Variants in RFX2 observed in about 807,000 individuals in gnomAD.
RFX2 encodes regulatory factor X2, also known as DNA-binding protein RFX2.
A neutral mutation model predicts 87.8 loss-of-function variants in RFX2; 20 were observed. The ratio of observed to expected loss-of-function variants is 0.23; its 90% CI spans 0.16 to 0.33. The LOEUF (loss-of-function observed/expected upper bound fraction) is 0.33, where lower values mean the gene tolerates loss of function less well. Ranked by LOEUF, RFX2 falls within the 10% of genes least tolerant of loss-of-function variation. The pLI is 1.00. For synonymous variants in RFX2, 397 were observed against 431.3 expected, an observed-to-expected ratio of 0.92 and a Z score of 0.98; for missense variants, 767 against 1,012.3, an observed-to-expected ratio of 0.76 and a Z score of 3.29.
At chr19:6,034,132 C>A (rs1297398457) in intron 5 of RFX2, among the ~76,000 whole-genome samples, 2 of 152,124 alleles carry the variant, frequency 1.3e-5, no homozygotes. Context: ...TGCAGTGGCA[C>A]CATCACGGCT....
At chr19:6,029,704 T>C (rs866330436) in intron 5 of RFX2, among the ~76,000 whole-genome samples, 3 of 152,176 alleles carry the variant, frequency 2.0e-5, no homozygotes, top group South Asian at 2.1e-4. Flanking sequence ...TGAGATTCCA[T>C]ATCAAAACAA....
chr19:6,002,636 G>A lies in RFX2; in HGVS notation c.1650+85C>T, dbSNP rs1416573535. 1 of 1,540,088 alleles carries A rather than the reference G, an allele frequency of 6.5e-7. No individual in the cohort carries two copies. Among genetic ancestry groups the A allele is most frequent in the Admixed American group, 1.7e-5 (1 of 58,110 alleles). ...CCAGGCTCGGGGCAGGGGCCAGGTT[G>A]TGCCACGGGCTCCACTTGGTGGGTT... On this transcript the variant is annotated intron_variant, in intron 14 of 17. Transcript: ENST00000303657. The surrounding 1 kb of genome is among the most constrained non-coding windows in gnomAD (Gnocchi z 6.7).
At position 6,101,268 on chromosome 19, in the gene RFX2, G is replaced by A. The variant is rs2088122899; in HGVS notation, c.-9+9125C>T. Among the ~76,000 whole-genome samples the A allele has an allele frequency of 6.6e-6, 1 of 152,170 alleles. No individual in the cohort carries two copies. The highest frequency in any genetic ancestry group is 6.5e-5 in the Admixed American group (1 of 15,280). On this transcript the variant is annotated intron_variant, in intron 1 of 17. Coordinates refer to ENST00000303657, the MANE Select transcript of RFX2 (RefSeq NM_000635.4). The surrounding 1 kb of genome is among the most constrained non-coding windows in gnomAD (Gnocchi z 4.9). ...AAACGAATAATTCCTTTTAAAATCA[G>A]AAGCACATCTTTTAGTCTGTTTTCA...
intron 1 of RFX2, among the ~76,000 whole-genome samples, chr19:6,069,988 G>A (rs899633944): frequency 2.1e-5 from 3 of 146,316 alleles, no homozygotes; most frequent in South Asian, 4.4e-4. Flanking sequence ...TTCTTTCATG[G>A]ATGGGATGGG....
intron 5 of RFX2, among the ~76,000 whole-genome samples, chr19:6,029,413 A>G (rs1180934763): frequency 6.6e-6 from 1 of 152,076 alleles, no homozygotes; most frequent in Non-Finnish European, 1.5e-5. Flanking sequence ...AAGCACTATA[A>G]AAAACCATGA....
At chr19:6,082,495 C>T (rs377609815) in intron 1 of RFX2, among the ~76,000 whole-genome samples, 16 of 152,112 alleles carry the variant, frequency 1.1e-4, no homozygotes, top group African/African-American at 2.4e-4. Flanking sequence ...TGCAGTGGCG[C>T]GATCACAGCT....
chr19:6,031,423 C>CTTTTTTTTTTTTTTTT (rs58834364), intron 5 of RFX2, among the ~76,000 whole-genome samples: 2 of 90,184 alleles, frequency 2.2e-5, no homozygotes, highest in African/African-American at 4.2e-5. Flanking sequence ...TTCTCCTTCC[C>CTTTTTTTTTTTTTTTT]TTTTTTTTTT....
intron 5 of RFX2, among the ~76,000 whole-genome samples, chr19:6,030,448 C>A (rs1599867102): frequency 6.6e-6 from 1 of 152,254 alleles, no homozygotes; most frequent in Non-Finnish European, 1.5e-5. Context: ...TTTAGCCACA[C>A]ACAAAAAAAT....
In RFX2 at chr19:6,024,832, GGTGAGGACGGGA is replaced by G. The variant is rs1307460164; in HGVS notation, c.597+1319_597+1330del. Among the ~76,000 whole-genome samples the G allele has an allele frequency of 8.3e-6, 1 of 120,186 alleles. No homozygotes were observed. Among genetic ancestry groups the G allele is most frequent in the South Asian group, 3.4e-4 (1 of 2,978 alleles). The allele number at this position is 120,186 out of a possible 152,430, so 78.8% of individuals were successfully genotyped here. Reference sequence around the variant, plus strand: ...AGGACGGGAGTGAGGACGGGATCACGGTGAGGACGGGAGTGAGGACGGGATCACGGTGAGGAC... The same window carrying G: ...AGGACGGGAGTGAGGACGGGATCACGGTGAGGACGGGATCACGGTGAGGAC... On this transcript the variant is annotated intron_variant, in intron 6 of 17. Coordinates refer to ENST00000303657, the MANE Select transcript of RFX2 (RefSeq NM_000635.4). The surrounding 1 kb of genome is among the most constrained non-coding windows in gnomAD (Gnocchi z 5.0).
At chr19:6,081,781 C>T (rs557708702) in intron 1 of RFX2, among the ~76,000 whole-genome samples, 4 of 152,160 alleles carry the variant, frequency 2.6e-5, no homozygotes, top group African/African-American at 7.2e-5. Context: ...GGTGAAACAC[C>T]GTCTCTACTA....
At chr19:6,042,205 T>C (rs989185064) in intron 3 of RFX2, 82 bp from the exon 4 acceptor site, 1 of 1,211,268 alleles carries the variant, frequency 8.3e-7, no homozygotes, top group South Asian at 1.2e-5. Context: ...ACGTGTCTTC[T>C]ATTGCCTTTA....
chr19:6,036,102 G>A (rs1333900398), intron 5 of RFX2, among the ~76,000 whole-genome samples: 1 of 152,096 alleles, frequency 6.6e-6, no homozygotes, highest in Non-Finnish European at 1.5e-5. Flanking sequence ...ATAAGTTGAT[G>A]CCGTTTGCTA....
chr19:6,002,928 C>A lies in RFX2; in HGVS notation c.1501-58G>T. 6.5e-7 allele frequency: 1 copy of A among 1,545,320 alleles called. No homozygotes were observed. The highest frequency in any genetic ancestry group is 8.7e-7 in the Non-Finnish European group (1 of 1,148,166). On this transcript the variant is annotated intron_variant, in intron 13 of 17. Coordinates refer to ENST00000303657, the MANE Select transcript of RFX2 (RefSeq NM_000635.4). The surrounding 1 kb of genome is among the most constrained non-coding windows in gnomAD (Gnocchi z 6.7). ...CGCAGGGAGAGCCTGTTCCGCTGCG[C>A]TCCTTGCAGGGGTGTGTGGGCTCAG...
intron 1 of RFX2, among the ~76,000 whole-genome samples, chr19:6,102,569 C>T (rs1437328251): frequency 6.6e-6 from 1 of 152,354 alleles, no homozygotes; most frequent in East Asian, 1.9e-4. Flanking sequence ...CAAGGCCCTG[C>T]AGGTTGCCCC....
rs2086439385 is a variant in RFX2, at chr19:5,997,971, G to A, written c.1860-758C>T. Among the ~76,000 whole-genome samples the A allele has an allele frequency of 3.3e-5, 5 of 152,212 alleles. No individual in the cohort carries two copies. In the South Asian group the frequency reaches 1.0e-3, roughly 32 times the overall value. On this transcript the variant is annotated intron_variant, in intron 15 of 17. Transcript: ENST00000303657. This position sits in a 1 kb window ranked among gnomAD's most constrained non-coding sequence, Gnocchi z 4.2. ...CTAGGATGGCTGCAAATACTACCTGGTTCTTTCTGGGAGAGGCGGCCCCTG... is the reference window on the plus strand; with the variant it reads ...CTAGGATGGCTGCAAATACTACCTGATTCTTTCTGGGAGAGGCGGCCCCTG...
At position 6,013,279 on chromosome 19, in the gene RFX2, G is replaced by A. The variant is rs539618243; in HGVS notation, c.780-174C>T. ...CGGCTCACTGCAATCTCCGCCTCCC[G>A]GGTTTAAGAGATTCTCCTGCCTCAG... On this transcript the variant is annotated intron_variant, in intron 7 of 17. Transcript: ENST00000303657. The surrounding 1 kb of genome is among the most constrained non-coding windows in gnomAD (Gnocchi z 4.1). Among the ~76,000 whole-genome samples, 25 of 151,804 alleles carry A rather than the reference G, an allele frequency of 1.6e-4. No homozygotes were observed. Among genetic ancestry groups the A allele is most frequent in the African/African-American group, 4.8e-5 (2 of 41,422 alleles).
intron 1 of RFX2, among the ~76,000 whole-genome samples, chr19:6,075,444 CA>C (rs1221551754): frequency 6.6e-6 from 1 of 152,202 alleles, no homozygotes; most frequent in African/African-American, 2.4e-5. Flanking sequence ...AAGCAAACGT[CA>C]GGGCTGGACA....
At chr19:6,035,436 A>C (rs1170981410) in intron 5 of RFX2, among the ~76,000 whole-genome samples, 3 of 152,250 alleles carry the variant, frequency 2.0e-5, no homozygotes, top group African/African-American at 7.2e-5. Flanking sequence ...GTGTGTATCA[A>C]AAACTCACCA....
intron 1 of RFX2, among the ~76,000 whole-genome samples, chr19:6,076,237 G>T (rs1208925101): frequency 6.6e-6 from 1 of 152,152 alleles, no homozygotes. Context: ...CCAGCTACTT[G>T]GGAGGCTGAG....
Sources: allele counts gnomAD v4.1 joint callset (sites outside exome capture counted in the v4.1 genomes callset), GRCh38; gene constraint gnomAD v4.1.1; non-coding constraint Gnocchi (gnomAD v3.1); transcripts MANE v1.5; gene names NCBI Gene and HGNC (gene_info 2026-07-23, HGNC 2026-07-21).